XKR4: variants seen among roughly 807,000 people sequenced by gnomAD.
XKR4 encodes the protein XK-related protein 4.
In XKR4, 12 loss-of-function variants were observed where a neutral mutation model predicts 53.9. That is an observed-to-expected ratio of 0.22 (90% CI 0.14 to 0.36). XKR4 has a LOEUF of 0.36. Among genes scored for constraint, XKR4 ranks in the 10% least tolerant of loss-of-function variants. The pLI, the probability that XKR4 is intolerant of heterozygous loss-of-function variation, is 1.00. For synonymous variants in XKR4, 354 were observed against 362.4 expected (o/e 0.98, Z 0.26); for missense variants, 799 against 859.5 (o/e 0.93, Z 0.88).
chr8:55,107,761 C>T (rs1399326079), intron 1 of XKR4, among the ~76,000 whole-genome samples: 2 of 152,242 alleles, frequency 1.3e-5, no homozygotes, highest in Admixed American at 1.3e-4. Context: ...AAAAGGTGGT[C>T]TTCAATTCTG....
Position 55,249,413 on chromosome 8 carries a change from C to T in XKR4, c.807-108265C>T, listed in dbSNP as rs1451395570. 2.0e-4 allele frequency among the ~76,000 whole-genome samples: 31 copies of T among 152,196 alleles called. 1 individual carries two copies. Among genetic ancestry groups the T allele is most frequent in the Admixed American group, 2.0e-3 (31 of 15,292 alleles). The stretch of plus-strand genomic sequence containing the variant: ...TACAAGGTCAATATAGTTGCCTAGG[C>T]TCAACTTCATGTGACCTCCTAGTCG... On this transcript the variant is annotated intron_variant, in intron 1 of 2. Transcript: ENST00000327381.
chr8:55,250,529 A>G (rs1818349406), intron 1 of XKR4, among the ~76,000 whole-genome samples: 1 of 152,166 alleles, frequency 6.6e-6, no homozygotes, highest in South Asian at 2.1e-4. Context: ...AACTCCTACA[A>G]GGACATTTGG....
chr8:55,483,492 T>C (rs1585599778), intron 2 of XKR4, among the ~76,000 whole-genome samples: 1 of 151,950 alleles, frequency 6.6e-6, no homozygotes, highest in African/African-American at 2.4e-5. Context: ...GAAAACTGAA[T>C]TGAGCCAAGA....
intron 1 of XKR4, among the ~76,000 whole-genome samples, chr8:55,284,972 A>T (rs896881277): frequency 6.6e-6 from 1 of 152,194 alleles, no homozygotes; most frequent in African/African-American, 2.4e-5. Context: ...AAGTCACTGC[A>T]ATCTCTCGCT....
rs143737956 is a variant in XKR4 at position 55,211,444 on chromosome 8, A to G, written c.806+108150A>G. Among the ~76,000 whole-genome samples the G allele has an allele frequency of 9.8e-5, 15 of 152,366 alleles. No individual in the cohort carries two copies. In the East Asian group the frequency reaches 2.9e-3, roughly 29 times the overall value. On this transcript the variant is annotated intron_variant, in intron 1 of 2. Transcript: ENST00000327381. ...ACAACTTCTTTGACAGGTGTCTGCCAGGAATGTCCTACGTTAGGAAGGGAG... is the reference window on the plus strand; with the variant it reads ...ACAACTTCTTTGACAGGTGTCTGCCGGGAATGTCCTACGTTAGGAAGGGAG...
chr8:55,160,911 GT>G (rs1252787349), intron 1 of XKR4, among the ~76,000 whole-genome samples: 1 of 152,112 alleles, frequency 6.6e-6, no homozygotes, highest in Non-Finnish European at 1.5e-5. Flanking sequence ...ACACAAAAAA[GT>G]TTGAAGGCAA....
intron 1 of XKR4, among the ~76,000 whole-genome samples, chr8:55,289,848 G>GA (rs370138893): frequency 2.8e-5 from 2 of 72,536 alleles, no homozygotes; most frequent in South Asian, 5.2e-4. Context: ...GAGAAAGAAA[G>GA]AAGGAAAGAA....
chr8:55,313,766 T>C (rs1452472737), intron 1 of XKR4, among the ~76,000 whole-genome samples: 1 of 152,204 alleles, frequency 6.6e-6, no homozygotes, highest in Non-Finnish European at 1.5e-5. Context: ...GGATAGCCAC[T>C]GAGATCTTCT....
In XKR4 at chr8:55,534,506, TG is replaced by T. The variant is rs1807001785; in HGVS notation, c.*10282del. ...CTTCTGCCTCAGCCTTCTGAGTAGG[TG>T]GGACTACAGGCGCCTGTCACCACGC... On this transcript the variant is annotated 3_prime_UTR_variant, in exon 3 of 3. Coordinates refer to ENST00000327381, the MANE Select transcript of XKR4 (RefSeq NM_052898.2). 1 of 150,618 alleles carries T rather than the reference TG, an allele frequency of 6.6e-6. No homozygotes were observed. Among genetic ancestry groups the T allele is most frequent in the Non-Finnish European group, 1.5e-5 (1 of 68,052 alleles). The allele number at this position is 150,618 out of a possible 1,614,324, so 9.3% of individuals were successfully genotyped here.
chr8:55,465,921 T>G (rs1805759975), intron 2 of XKR4, among the ~76,000 whole-genome samples: 1 of 151,890 alleles, frequency 6.6e-6, no homozygotes, highest in Non-Finnish European at 1.5e-5. Context: ...GAAATGCAAA[T>G]CAAAACCACA....
intron 2 of XKR4, among the ~76,000 whole-genome samples, chr8:55,411,014 C>G (rs1191808288): frequency 6.6e-6 from 1 of 152,246 alleles, no homozygotes; most frequent in East Asian, 1.9e-4. Context: ...TTCTCACACG[C>G]TCTGACTTAC....
intron 1 of XKR4, among the ~76,000 whole-genome samples, chr8:55,156,191 T>C (rs984771200): frequency 4.6e-5 from 7 of 151,952 alleles, no homozygotes; most frequent in Admixed American, 2.6e-4. Context: ...GACTGTTTAG[T>C]ATTGTTTCTG....
intron 2 of XKR4, among the ~76,000 whole-genome samples, chr8:55,522,900 G>A (rs1462475845): frequency 6.6e-6 from 1 of 152,136 alleles, no homozygotes; most frequent in Admixed American, 6.5e-5. Context: ...GAGCCTTAGA[G>A]AAGACAGATA....
At chr8:55,434,593 A>G (rs1171143882) in intron 2 of XKR4, among the ~76,000 whole-genome samples, 1 of 152,214 alleles carries the variant, frequency 6.6e-6, no homozygotes, top group Non-Finnish European at 1.5e-5. Context: ...CAGAATAAAC[A>G]GTCCTGAGAT....
intron 1 of XKR4, among the ~76,000 whole-genome samples, chr8:55,193,633 T>C (rs1316424717): frequency 2.0e-5 from 3 of 152,212 alleles, no homozygotes; most frequent in African/African-American, 7.2e-5. Context: ...CTGTCGGGGT[T>C]AACAAATGCT....
chr8:55,243,080 A>G (rs1156753993), intron 1 of XKR4, among the ~76,000 whole-genome samples: 10 of 152,194 alleles, frequency 6.6e-5, no homozygotes, highest in African/African-American at 2.2e-4. Context: ...GAGCAAGTAC[A>G]GAGGTTTCCC....
At chr8:55,272,121 C>T (rs1461969209) in intron 1 of XKR4, among the ~76,000 whole-genome samples, 2 of 152,128 alleles carry the variant, frequency 1.3e-5, no homozygotes, top group Non-Finnish European at 2.9e-5. Context: ...TTGATCCTAA[C>T]AGGTACAATG....
chr8:55,502,638 A>G (rs1224533390), intron 2 of XKR4, among the ~76,000 whole-genome samples: 2 of 151,880 alleles, frequency 1.3e-5, no homozygotes, highest in African/African-American at 2.4e-5. Flanking sequence ...TATCAGACAT[A>G]TGGTTTACAA....
At chr8:55,328,239 C>T (rs1418014287) in intron 1 of XKR4, among the ~76,000 whole-genome samples, 1 of 152,106 alleles carries the variant, frequency 6.6e-6, no homozygotes. Context: ...AACCATATCA[C>T]TATTGATTGA....
Sources: allele counts gnomAD v4.1 joint callset (sites outside exome capture counted in the v4.1 genomes callset), GRCh38; gene constraint gnomAD v4.1.1; transcripts MANE v1.5; gene names NCBI Gene and HGNC (gene_info 2026-07-23, HGNC 2026-07-21).